UGT1A3: variants seen among roughly 807,000 people sequenced by gnomAD.
UGT1A3 encodes the protein UDP-glucuronosyltransferase 1A3.
UGT1A3 carries 31 observed loss-of-function variants against 41.0 expected under a neutral mutation model. The observed-to-expected ratio is 0.76, with a 90% CI of 0.57 to 1.02. The LOEUF is 1.02. UGT1A3 is among the 50% of genes least tolerant of loss of function. The pLI is 0.00. For synonymous variants in UGT1A3, 262 were observed against 257.6 expected, an observed-to-expected ratio of 1.02 and a Z score of -0.17; for missense variants, 737 against 671.0, an observed-to-expected ratio of 1.10 and a Z score of -1.09.
intron 1 of UGT1A3, among the ~76,000 whole-genome samples, chr2:233,756,539 T>G (rs1346299785): frequency 6.6e-6 from 1 of 152,226 alleles, no homozygotes; most frequent in Non-Finnish European, 1.5e-5. Context: ...TTTTCTTGAC[T>G]GCTAAAACAA....
At chr2:233,761,199 A>C in intron 1 of UGT1A3, 1 of 1,614,054 alleles carries the variant, frequency 6.2e-7, no homozygotes, top group Non-Finnish European at 8.5e-7. Flanking sequence ...TTTCAGATGT[A>C]TTACTTTGGA....
At chr2:233,757,535 A>AATATATATATATATATATATATATATAT (rs67292694) in intron 1 of UGT1A3, among the ~76,000 whole-genome samples, 42 of 88,242 alleles carry the variant, frequency 4.8e-4, no homozygotes, top group East Asian at 2.0e-3. Context: ...GCCTGTAAGG[A>AATATATATATATATATATATATATATAT]ATATATATAT....
chr2:233,738,530 G>A (rs1226975410), intron 1 of UGT1A3, among the ~76,000 whole-genome samples: 4 of 152,208 alleles, frequency 2.6e-5, no homozygotes, highest in African/African-American at 9.6e-5. Flanking sequence ...GGACAATGAA[G>A]TCCAGGCTGA....
At chr2:233,772,116 AAAC>A (rs1252124628) in intron 4 of UGT1A3, 143 bp from the exon 5 acceptor site, 49 of 1,530,818 alleles carry the variant, frequency 3.2e-5, no homozygotes, top group Middle Eastern at 2.3e-4. Context: ...CTGTATCTAA[AAAC>A]AACAACAACA....
In UGT1A3 at chr2:233,767,864, A is replaced by T; in HGVS notation, c.1015A>T (p.Thr339Ser). The change falls in exon 3 of 5, where the codon ACT (threonine) becomes TCT (serine). Residue 339 changes from threonine to serine, a missense_variant. Thr to Ser is a moderately conservative substitution (Grantham distance 58). Coordinates refer to ENST00000482026, the MANE Select transcript of UGT1A3 (RefSeq NM_019093.4). The part of the protein sequence containing the change: ...KIPQTVLWRY[T>S]GTRPSNLANN... Reference sequence around the variant, plus strand: ...CCCCTCCCAGGTCCTGTGGCGGTACACTGGAACCCGACCATCGAATCTTGC... The same window carrying T: ...CCCCTCCCAGGTCCTGTGGCGGTACTCTGGAACCCGACCATCGAATCTTGC... 1 of 1,614,144 alleles carries T rather than the reference A, an allele frequency of 6.2e-7. No individual in the cohort carries two copies. Among genetic ancestry groups the T allele is most frequent in the Non-Finnish European group, 8.5e-7 (1 of 1,180,042 alleles).
chr2:233,764,139 C>T (rs911077141), intron 1 of UGT1A3, among the ~76,000 whole-genome samples: 4 of 152,156 alleles, frequency 2.6e-5, no homozygotes, highest in Admixed American at 1.3e-4. Context: ...TGTTAAATGT[C>T]TCATTTTGGC....
chr2:233,755,081 A>G (rs749990272), intron 1 of UGT1A3: 10 of 1,336,302 alleles, frequency 7.5e-6, no homozygotes, highest in Non-Finnish European at 6.0e-6. Flanking sequence ...GGTCATAGAT[A>G]TCGCGTTTCT....
chr2:233,760,521 G>T, intron 1 of UGT1A3: 1 of 1,614,238 alleles, frequency 6.2e-7, no homozygotes, highest in South Asian at 1.1e-5. Context: ...CCTTGAAGAC[G>T]TACCCTGTGC....
chr2:233,748,321 A>G (rs1693916793), intron 1 of UGT1A3, among the ~76,000 whole-genome samples: 1 of 151,726 alleles, frequency 6.6e-6, no homozygotes, highest in African/African-American at 2.4e-5. Flanking sequence ...ACTAGGACTG[A>G]TGTGACTCAT....
chr2:233,760,908 G>A lies in UGT1A3; in HGVS notation c.868-6126G>A, dbSNP rs1697607352. On this transcript the variant is annotated intron_variant, in intron 1 of 4. Coordinates refer to ENST00000482026, the MANE Select transcript of UGT1A3 (RefSeq NM_019093.4). ...CTCATTCAGATCACATGACCTTCCT[G>A]CAGCGGGTGAAGAACATGCTCATTG... 7 of 1,614,034 alleles carry A rather than the reference G, an allele frequency of 4.3e-6. No individual in the cohort carries two copies. The Middle Eastern group carries it at 6.6e-4, about 152-fold the overall frequency.
At chr2:233,735,728 T>G (rs1486359906) in intron 1 of UGT1A3, among the ~76,000 whole-genome samples, 42 of 152,184 alleles carry the variant, frequency 2.8e-4, no homozygotes, top group Admixed American at 2.7e-3. Context: ...CTCTCAGCAT[T>G]TGCTTGTCTA....
chr2:233,748,870 C>T (rs930859259), intron 1 of UGT1A3, among the ~76,000 whole-genome samples: 9 of 151,444 alleles, frequency 5.9e-5, no homozygotes, highest in Non-Finnish European at 1.0e-4. Flanking sequence ...AAGCTGGGGA[C>T]GGTGATGAAT....
At chr2:233,735,705 G>A (rs1237070783) in intron 1 of UGT1A3, among the ~76,000 whole-genome samples, 2 of 151,900 alleles carry the variant, frequency 1.3e-5, no homozygotes, top group African/African-American at 2.4e-5. Flanking sequence ...GGCAGGCCTG[G>A]TGGTGACAAA....
chr2:233,763,859 A>G (rs1418944768), intron 1 of UGT1A3, among the ~76,000 whole-genome samples: 1 of 152,176 alleles, frequency 6.6e-6, no homozygotes, highest in Non-Finnish European at 1.5e-5. Context: ...GTTCACAGAC[A>G]ATCGCAATGC....
At position 233,735,860 on chromosome 2, in the gene UGT1A3, G is replaced by A. The variant is rs189938280; in HGVS notation, c.867+5867G>A. ...GCCCCCACTCTCTTCTGTCTTGTAG[G>A]GTTTCTGCAGAGAGATCTGCTGTTA... On this transcript the variant is annotated intron_variant, in intron 1 of 4. Coordinates refer to ENST00000482026, the MANE Select transcript of UGT1A3 (RefSeq NM_019093.4). Among the ~76,000 whole-genome samples the A allele has an allele frequency of 7.9e-5, 12 of 151,742 alleles. No individual in the cohort carries two copies. The East Asian group carries it at 1.9e-3, about 24-fold the overall frequency.
chr2:233,752,967 C>G (rs1695099374), intron 1 of UGT1A3, among the ~76,000 whole-genome samples: 2 of 152,152 alleles, frequency 1.3e-5, no homozygotes, highest in African/African-American at 2.4e-5. Context: ...TTTATGTAAC[C>G]AATTGTGTAG....
intron 1 of UGT1A3, chr2:233,760,446 G>T (rs149071335): frequency 6.2e-7 from 1 of 1,614,210 alleles, no homozygotes; most frequent in Non-Finnish European, 8.5e-7. Flanking sequence ...TGCAGCAGAG[G>T]GGACATGAAA....
At chr2:233,735,560 T>C (rs1442054621) in intron 1 of UGT1A3, among the ~76,000 whole-genome samples, 1 of 152,236 alleles carries the variant, frequency 6.6e-6, no homozygotes, top group African/African-American at 2.4e-5. Flanking sequence ...ATTATGGTGT[T>C]ATCGGGTTAT....
At chr2:233,741,211 A>C (rs764528916) in intron 1 of UGT1A3, among the ~76,000 whole-genome samples, 2 of 151,912 alleles carry the variant, frequency 1.3e-5, no homozygotes, top group African/African-American at 4.9e-5. Context: ...AACTAGCCAG[A>C]GTTGTTACAG....
Sources: gnomAD v4.1 joint callset for allele counts (sites outside exome capture counted in the v4.1 genomes callset) on GRCh38, gnomAD v4.1.1 for gene constraint, MANE v1.5 for transcripts, NCBI Gene and HGNC (gene_info 2026-07-23, HGNC 2026-07-21) for gene names.